Variants in TMEM182 observed in about 807,000 individuals in gnomAD.
The protein encoded by TMEM182 is transmembrane protein 182.
TMEM182 carries 20 observed loss-of-function variants against 26.8 expected under a neutral mutation model. The ratio of observed to expected loss-of-function variants is 0.75; its 90% CI spans 0.53 to 1.09. The LOEUF (loss-of-function observed/expected upper bound fraction) is 1.09, where lower values mean the gene tolerates loss of function less well. Among genes scored for constraint, TMEM182 ranks in the 50% least tolerant of loss-of-function variants. The pLI is 0.00. For synonymous variants in TMEM182, 109 were observed against 102.2 expected, an observed-to-expected ratio of 1.07 and a Z score of -0.40; for missense variants, 277 against 275.5, an observed-to-expected ratio of 1.01 and a Z score of -0.04.
chr2:102,790,885 C>T (rs997400727), intron 3 of TMEM182, among the ~76,000 whole-genome samples: 2 of 152,124 alleles, frequency 1.3e-5, no homozygotes, highest in Admixed American at 6.6e-5. Flanking sequence ...ATTTAACAAA[C>T]TAGACAATGT....
intron 1 of TMEM182, among the ~76,000 whole-genome samples, chr2:102,740,148 A>G (rs147486827): frequency 4.6e-5 from 7 of 152,296 alleles, no homozygotes; most frequent in Non-Finnish European, 7.4e-5. Context: ...GCATGTAACT[A>G]TGTGTCATTT....
intron 1 of TMEM182, among the ~76,000 whole-genome samples, chr2:102,748,587 A>G (rs147940561): frequency 1.3e-5 from 2 of 152,356 alleles, no homozygotes; most frequent in African/African-American, 4.8e-5. Context: ...GGATTTAACT[A>G]TGACTAAAAT....
At chr2:102,739,093 A>G (rs2732829) in intron 1 of TMEM182, among the ~76,000 whole-genome samples, 122,199 of 152,152 alleles carry the variant, frequency 0.8, 49,947 homozygotes, top group East Asian at 1. Context: ...GTATAGCCAT[A>G]GAGGATACCA....
At chr2:102,801,159 A>G (rs1164784035) in intron 4 of TMEM182, among the ~76,000 whole-genome samples, 3 of 151,990 alleles carry the variant, frequency 2.0e-5, no homozygotes, top group African/African-American at 7.3e-5. Flanking sequence ...AGGTGTTCCC[A>G]TTTTCAAAGC....
chr2:102,779,941 T>C (rs1167936090), intron 3 of TMEM182, among the ~76,000 whole-genome samples: 1 of 152,150 alleles, frequency 6.6e-6, no homozygotes, highest in Non-Finnish European at 1.5e-5. Context: ...AGGCGGAGGT[T>C]GCAGTGAGCC....
intron 3 of TMEM182, among the ~76,000 whole-genome samples, chr2:102,765,652 A>G (rs1680401935): frequency 6.6e-6 from 1 of 152,178 alleles, no homozygotes; most frequent in African/African-American, 2.4e-5. Flanking sequence ...TATAATTTTT[A>G]GTTTTGTCAA....
chr2:102,817,735 G>A, downstream of TMEM182: 1 of 980,652 alleles, frequency 1.0e-6, no homozygotes, highest in Non-Finnish European at 1.2e-6. Context: ...ATATATATGG[G>A]TGCATGTCTG....
chr2:102,757,250 A>C (rs1680069897), upstream of TMEM182, among the ~76,000 whole-genome samples: 1 of 152,160 alleles, frequency 6.6e-6, no homozygotes, highest in Non-Finnish European at 1.5e-5. Context: ...TTGCCTCCTC[A>C]TTTAGACTTG....
chr2:102,792,350 A>G (rs1030711336), intron 3 of TMEM182, among the ~76,000 whole-genome samples: 1 of 152,094 alleles, frequency 6.6e-6, no homozygotes, highest in Non-Finnish European at 1.5e-5. Flanking sequence ...CTCACTATAA[A>G]CCTATGAAAA....
chr2:102,800,926 G>A (rs1414038814), intron 4 of TMEM182, among the ~76,000 whole-genome samples: 1 of 151,142 alleles, frequency 6.6e-6, no homozygotes, highest in Non-Finnish European at 1.5e-5. Context: ...GTTATGTTTG[G>A]CTGAGAACTG....
At chr2:102,812,060 G>A (rs1312589674) in intron 4 of TMEM182, among the ~76,000 whole-genome samples, 3 of 152,064 alleles carry the variant, frequency 2.0e-5, no homozygotes, top group Non-Finnish European at 4.4e-5. Flanking sequence ...ATTTATTTCT[G>A]TATTATCTAT....
intron 3 of TMEM182, among the ~76,000 whole-genome samples, chr2:102,779,096 A>C (rs1573523974): frequency 6.6e-6 from 1 of 152,098 alleles, no homozygotes; most frequent in East Asian, 1.9e-4. Context: ...GGTAGGTATA[A>C]ATTTTGGGGT....
At chr2:102,805,811 A>G (rs184735372) in intron 4 of TMEM182, among the ~76,000 whole-genome samples, 3 of 152,228 alleles carry the variant, frequency 2.0e-5, no homozygotes, top group African/African-American at 7.2e-5. Flanking sequence ...CGGGAGGCTG[A>G]TGCAAGAGGA....
intron 3 of TMEM182, among the ~76,000 whole-genome samples, chr2:102,790,985 G>C (rs1228047541): frequency 2.0e-5 from 3 of 152,040 alleles, no homozygotes; most frequent in Admixed American, 6.6e-5. Context: ...GCCCAGGCTG[G>C]AGTGTAGTGG....
Position 102,816,776 on chromosome 2 carries a change from TG to T in TMEM182, c.*1809del. 1 of 985,876 alleles carries T rather than the reference TG, an allele frequency of 1.0e-6. No homozygotes were observed. Among genetic ancestry groups the T allele is most frequent in the Non-Finnish European group, 1.2e-6 (1 of 829,914 alleles). The allele number at this position is 985,876 out of a possible 1,614,324, so 61.1% of individuals were successfully genotyped here. ...TTTTCCAGACGATGTTGGATGTATC[TG>T]ATTAGTTCATGTCATCTGTAAATAC... On this transcript the variant is annotated 3_prime_UTR_variant, in exon 5 of 5. Coordinates refer to ENST00000412401, the MANE Select transcript of TMEM182 (RefSeq NM_144632.5).
intron 3 of TMEM182, among the ~76,000 whole-genome samples, chr2:102,831,481 G>A (rs1253016777): frequency 6.6e-6 from 1 of 152,210 alleles, no homozygotes; most frequent in Non-Finnish European, 1.5e-5. Flanking sequence ...GGTGGGCCAG[G>A]CATGGTGGTT....
chr2:102,827,068 A>G (rs1259310047), intron 3 of TMEM182, among the ~76,000 whole-genome samples: 5 of 152,226 alleles, frequency 3.3e-5, no homozygotes, highest in African/African-American at 1.2e-4. Flanking sequence ...GGTCGCTCTC[A>G]TCACAGCACG....
intron 4 of TMEM182, among the ~76,000 whole-genome samples, chr2:102,798,657 G>A (rs1403689973): frequency 6.6e-6 from 1 of 151,928 alleles, no homozygotes; most frequent in Non-Finnish European, 1.5e-5. Flanking sequence ...TGGCCAACAT[G>A]GTGAAACCCT....
rs147833864 is a variant in TMEM182 at position 102,771,746 on chromosome 2, A to G, written c.331+7319A>G. ...GCAGAAATCTCCTCTCACGCTAGGAACTCCTGATGTGTACAGCAGGATTTC... is the reference window on the plus strand; with the variant it reads ...GCAGAAATCTCCTCTCACGCTAGGAGCTCCTGATGTGTACAGCAGGATTTC... On this transcript the variant is annotated intron_variant, in intron 3 of 4. Coordinates refer to ENST00000412401, the MANE Select transcript of TMEM182 (RefSeq NM_144632.5). 5.6e-3 allele frequency among the ~76,000 whole-genome samples: 855 copies of G among 152,138 alleles called. 8 individuals are homozygous for G. The highest frequency in any genetic ancestry group is 0.01 in the Middle Eastern group (3 of 294).
Sources: gnomAD v4.1 joint callset for allele counts (sites outside exome capture counted in the v4.1 genomes callset) on GRCh38, gnomAD v4.1.1 for gene constraint, MANE v1.5 for transcripts, NCBI Gene and HGNC (gene_info 2026-07-23, HGNC 2026-07-21) for gene names.